The following KDM2B variants were observed in gnomAD, a reference collection of about 807,000 sequenced individuals.
KDM2B encodes the protein lysine-specific demethylase 2B.
KDM2B carries 26 observed loss-of-function variants against 150.0 expected under a neutral mutation model. That is an observed-to-expected ratio of 0.17 (90% CI 0.13 to 0.24). The LOEUF (loss-of-function observed/expected upper bound fraction) is 0.24. KDM2B is among the 10% of genes least tolerant of loss of function. The pLI is 1.00. For synonymous variants in KDM2B, 734 were observed against 729.5 expected, an observed-to-expected ratio of 1.01 and a Z score of -0.10; for missense variants, 1,265 against 1,816.9, an observed-to-expected ratio of 0.70 and a Z score of 5.52.
intron 4 of KDM2B, among the ~76,000 whole-genome samples, chr12:121,562,845 T>C (rs143174143): frequency 1.3e-5 from 2 of 152,282 alleles, no homozygotes; most frequent in African/African-American, 4.8e-5. Context: ...GCCTAATTCA[T>C]ATGACTACTG....
the KDM2B span, among the ~76,000 whole-genome samples, chr12:121,414,690 C>T: frequency 1.3e-5 from 2 of 152,038 alleles, no homozygotes; most frequent in African/African-American, 2.4e-5. Flanking sequence ...GTTGTTTTTT[C>T]GAGATGGACT....
At chr12:121,415,385 C>T in the KDM2B span, 1 of 270,592 alleles carries the variant, frequency 3.7e-6, no homozygotes, top group Non-Finnish European at 8.2e-6. Flanking sequence ...CTTCAGGAGG[C>T]CAAGGTAGGC....
intron 13 of KDM2B, among the ~76,000 whole-genome samples, chr12:121,446,263 TGGC>T (rs782073425): frequency 2.8e-4 from 42 of 152,248 alleles, no homozygotes; most frequent in Admixed American, 1.0e-3. Flanking sequence ...CCGGGCGTGG[TGGC>T]GGGCGCCTGT....
downstream of KDM2B, among the ~76,000 whole-genome samples, chr12:121,428,381 T>G (rs915569106): frequency 6.6e-5 from 10 of 152,236 alleles, no homozygotes; most frequent in Middle Eastern, 0.017. Context: ...TTAGTAGAGA[T>G]GGGGTTTCAC....
chr12:121,479,148 T>A (rs1202799834), intron 12 of KDM2B, among the ~76,000 whole-genome samples: 1 of 151,990 alleles, frequency 6.6e-6, no homozygotes, highest in Non-Finnish European at 1.5e-5. Flanking sequence ...TGTCGGGTCT[T>A]TTTTTAAGAG....
the KDM2B span, among the ~76,000 whole-genome samples, chr12:121,421,371 TAAAAAAAAAAAAAAA>T: frequency 1.3e-4 from 6 of 46,378 alleles, no homozygotes; most frequent in Non-Finnish European, 1.8e-4. Context: ...ATCCCATCTC[TAAAAAAAAAAAAAAA>T]AAAAAAAAAA....
chr12:121,514,096 G>A (rs536901488), intron 9 of KDM2B, among the ~76,000 whole-genome samples: 20 of 152,146 alleles, frequency 1.3e-4, no homozygotes, highest in Non-Finnish European at 2.6e-4. Context: ...GTGATGCTGA[G>A]CTGAGGGAGA....
At chr12:121,517,009 G>A (rs1269758194) in intron 9 of KDM2B, 9 of 588,748 alleles carry the variant, frequency 1.5e-5, no homozygotes, top group Non-Finnish European at 2.7e-5. Flanking sequence ...CCTTTTCTGG[G>A]AAGGCTGCTT....
chr12:121,523,041 G>A (rs1886826100), intron 8 of KDM2B, among the ~76,000 whole-genome samples: 1 of 152,252 alleles, frequency 6.6e-6, no homozygotes, highest in Non-Finnish European at 1.5e-5. Flanking sequence ...TGTGGCTCCT[G>A]GCTGCCGGGT....
At chr12:121,496,557 C>G (rs923109796) in intron 11 of KDM2B, among the ~76,000 whole-genome samples, 1 of 146,516 alleles carries the variant, frequency 6.8e-6, no homozygotes, top group Non-Finnish European at 1.5e-5. Flanking sequence ...TGCAGGGGCA[C>G]AATCTCAGCT....
chr12:121,442,682 C>T lies in KDM2B; in HGVS notation c.2759G>A (p.Ser920Asn). 6.2e-7 allele frequency: 1 copy of T among 1,603,022 alleles called. No homozygotes were observed. Residue 920 changes from serine (S) to asparagine (N), a missense_variant, in exon 19 of 23, where the codon AGC (serine) becomes AAC (asparagine). By Grantham distance (46) the Ser-to-Asn change is conservative. Around this residue, in one of 11 missense-constraint regions of KDM2B, gnomAD observed 418 missense variants for 402.4 expected, o/e 1.04. Transcript: ENST00000377071. This position sits in a 1 kb window ranked among gnomAD's most constrained non-coding sequence, Gnocchi z 7.7. The stretch of plus-strand genomic sequence containing the variant: ...CTCCGGGCCCTCGGCCCCTTCGGTG[C>T]TGGGTCCCGCGGTGGGGGAGCTGGA... ...SRSSSPTAGPSTEGAEGPEEK... is the reference protein window; with the variant it reads ...SRSSSPTAGPNTEGAEGPEEK...
intron 4 of KDM2B, among the ~76,000 whole-genome samples, chr12:121,554,033 C>CCACACACACA (rs56659514): frequency 0.014 from 1,753 of 122,106 alleles, 30 homozygotes; most frequent in Middle Eastern, 0.028. Flanking sequence ...CACCCCAGCT[C>CCACACACACA]CACACACACA....
intron 6 of KDM2B, among the ~76,000 whole-genome samples, chr12:121,543,600 C>T (rs781882070): frequency 4.0e-5 from 6 of 151,316 alleles, no homozygotes; most frequent in Non-Finnish European, 8.8e-5. Flanking sequence ...TCGAGGTGGG[C>T]AGATCACGAG....
intron 12 of KDM2B, among the ~76,000 whole-genome samples, chr12:121,474,874 C>A (rs574415020): frequency 6.6e-6 from 1 of 152,298 alleles, no homozygotes; most frequent in Admixed American, 6.5e-5. Context: ...ATCTCTTGAG[C>A]CTGGGAGTTT....
chr12:121,448,538 C>A (rs1876691585), intron 13 of KDM2B, among the ~76,000 whole-genome samples: 2 of 151,974 alleles, frequency 1.3e-5, no homozygotes, highest in African/African-American at 4.8e-5. Flanking sequence ...GCTGTGAGCC[C>A]CCTGAGGCCA....
intron 4 of KDM2B, 30 bp downstream of exon 4, chr12:121,574,513 CATGT>C: frequency 1.2e-6 from 2 of 1,607,772 alleles, no homozygotes; most frequent in Non-Finnish European, 1.7e-6. Flanking sequence ...CCTACTTCAG[CATGT>C]CTGAGCCACA....
chr12:121,530,823 G>C (rs975763960), intron 8 of KDM2B, among the ~76,000 whole-genome samples: 6 of 152,086 alleles, frequency 3.9e-5, no homozygotes, highest in African/African-American at 1.4e-4. Context: ...CAGGGGAAAA[G>C]TGATGAGCCA....
Position 121,467,452 on chromosome 12 carries a change from C to T in KDM2B, c.1735-14108G>A, listed in dbSNP as rs1880209119. ...ATGCATGAGGCGAGCCAGGAAGGGGCTGGCCCCCCGGGCGGGCGGGCCAAT... is the reference window on the plus strand; with the variant it reads ...ATGCATGAGGCGAGCCAGGAAGGGGTTGGCCCCCCGGGCGGGCGGGCCAAT... On this transcript the variant is annotated intron_variant, in intron 12 of 22. Transcript: ENST00000377071. The surrounding 1 kb of genome is among the most constrained non-coding windows in gnomAD (Gnocchi z 5.1). 2.8e-6 allele frequency: 2 copies of T among 712,074 alleles called. No individual in the cohort carries two copies. Among genetic ancestry groups the T allele is most frequent in the Admixed American group, 6.5e-5 (1 of 15,450 alleles). The allele number at this position is 712,074 out of a possible 1,614,324, so 44.1% of individuals were successfully genotyped here.
chr12:121,443,614 G>C (rs1358849326), intron 17 of KDM2B, 66 bp downstream of exon 17: 38 of 892,288 alleles, frequency 4.3e-5, no homozygotes, highest in East Asian at 2.4e-5. Flanking sequence ...CAGCGGGGTG[G>C]GGTGGGGGAC....
Sources: gnomAD v4.1 joint callset for allele counts (sites outside exome capture counted in the v4.1 genomes callset) on GRCh38, gnomAD v4.1.1 for gene constraint, gnomAD v4.1.1 regional missense constraint, Gnocchi (gnomAD v3.1) non-coding constraint, MANE v1.5 for transcripts, NCBI Gene and HGNC (gene_info 2026-07-23, HGNC 2026-07-21) for gene names.